Variants in TOLLIP observed in about 807,000 individuals in gnomAD.
The protein encoded by TOLLIP is toll-interacting protein.
TOLLIP carries 16 observed loss-of-function variants against 33.5 expected under a neutral mutation model. That is an observed-to-expected ratio of 0.48 (90% CI 0.32 to 0.72). The LOEUF (loss-of-function observed/expected upper bound fraction) is 0.72, where lower values mean the gene tolerates loss of function less well. Ranked by LOEUF, TOLLIP falls within the 30% of genes least tolerant of loss-of-function variation. The probability of loss-of-function intolerance (pLI) is 0.03; values close to 1 mark genes in which losing one functional copy is unlikely to be tolerated. For missense variants in TOLLIP, 325 were observed against 396.6 expected (o/e 0.82, Z 1.53); for synonymous variants, 176 against 163.7 (o/e 1.07, Z -0.57).
At position 1,295,616 on chromosome 11, in the gene TOLLIP, G is replaced by C. The variant is rs753965639; in HGVS notation, c.183+29C>G. 9.3e-6 allele frequency: 14 copies of C among 1,509,982 alleles called. No homozygotes were observed. In the Admixed American group the frequency reaches 1.4e-4, roughly 15 times the overall value. 93.5% of individuals were successfully genotyped at this position (1,509,982 alleles called of 1,614,324 possible). A position where few individuals can be genotyped will look rare whatever the true frequency, so the allele number is the denominator to read the frequency against. ...ACCCCCACCGAGCGCACCAGCCCCA[G>C]GCAGGCAGGAGGGTGCCCCAAGGCC... On this transcript the variant is annotated intron_variant, in intron 2 of 5. Coordinates refer to ENST00000317204, the MANE Select transcript of TOLLIP (RefSeq NM_019009.4).
intron 5 of TOLLIP, among the ~76,000 whole-genome samples, 162 bp downstream of exon 5, chr11:1,285,840 C>A (rs1411216461): frequency 1.3e-5 from 2 of 152,120 alleles, no homozygotes; most frequent in African/African-American, 4.8e-5. Flanking sequence ...GCCTTGGCTT[C>A]CTGGCCTGAA....
chr11:1,286,060 C>T lies in TOLLIP; in HGVS notation c.552G>A (p.Gln184=). The T allele has an allele frequency of 1.2e-6, 2 of 1,600,344 alleles. No homozygotes were observed. The highest frequency in any genetic ancestry group is 2.3e-5 in the East Asian group (1 of 44,398). Residue 184 remains glutamine, a synonymous_variant, in exon 5 of 6, where the codon CAG becomes CAA. Coordinates refer to ENST00000317204, the MANE Select transcript of TOLLIP (RefSeq NM_019009.4). ...ACACTGTTGGCATCAGGACCACGGGCTGGGGTGGCATCACCATGGCAGCTG... is the reference window on the plus strand; with the variant it reads ...ACACTGTTGGCATCAGGACCACGGGTTGGGGTGGCATCACCATGGCAGCTG... ...LLPAAMVMPP[Q]PVVLMPTVYQ... is the part of the protein sequence containing the mutation.
intron 1 of TOLLIP, among the ~76,000 whole-genome samples, chr11:1,308,530 G>A (rs2133938522): frequency 6.6e-6 from 1 of 152,308 alleles, no homozygotes; most frequent in South Asian, 2.1e-4. Context: ...CCCTAACAGT[G>A]AGCCAGGAGG....
At chr11:1,296,013 G>C (rs546987860) in intron 1 of TOLLIP, among the ~76,000 whole-genome samples, 1 of 152,316 alleles carries the variant, frequency 6.6e-6, no homozygotes, top group East Asian at 1.9e-4. Context: ...CCCTCACTCA[G>C]GAGATCCCCA....
chr11:1,295,779 G>C lies in TOLLIP; in HGVS notation c.49C>G (p.Leu17Val), dbSNP rs775795961. 4 of 1,579,862 alleles carry C rather than the reference G, an allele frequency of 2.5e-6. No individual in the cohort carries two copies. The African/African-American group carries it at 5.4e-5, about 21-fold the overall frequency. Residue 17 changes from leucine to valine, a missense_variant, in exon 2 of 6, where the codon CTC becomes GTC. Transcript: ENST00000317204. ...TQRGPVYIGE[L>V]PQDFLRITPT... The stretch of plus-strand genomic sequence containing the variant: ...GTGATGCGGAGGAAGTCCTGCGGGA[G>C]CTCACCGATGTACACCTGCGGGGCC...
intron 1 of TOLLIP, among the ~76,000 whole-genome samples, chr11:1,307,658 C>T (rs1864454428): frequency 1.3e-5 from 2 of 152,220 alleles, no homozygotes; most frequent in Admixed American, 1.3e-4. Flanking sequence ...TGCTGGTTCC[C>T]TTGTTGCTCT....
In TOLLIP at chr11:1,287,801, G is replaced by C. The variant is rs183721096; in HGVS notation, c.519+823C>G. Among the ~76,000 whole-genome samples the C allele has an allele frequency of 2.4e-3, 26 of 10,804 alleles. 4 individuals are homozygous for C. Among genetic ancestry groups the C allele is most frequent in the African/African-American group, 9.5e-3 (18 of 1,888 alleles). 7.1% of individuals were successfully genotyped at this position (10,804 alleles called of 152,430 possible). A position where few individuals can be genotyped will look rare whatever the true frequency, so the allele number is the denominator to read the frequency against. On this transcript the variant is annotated intron_variant, in intron 4 of 5. Coordinates refer to ENST00000317204, the MANE Select transcript of TOLLIP (RefSeq NM_019009.4). ...TCCCCGCCGCACCCTCCCTGCCGCAGCCTCCCCGCCGCAGCCTCCCCGCCG... is the reference window on the plus strand; with the variant it reads ...TCCCCGCCGCACCCTCCCTGCCGCACCCTCCCCGCCGCAGCCTCCCCGCCG...
intron 2 of TOLLIP, 185 bp downstream of exon 2, chr11:1,295,460 A>C: frequency 3.3e-4 from 209 of 624,714 alleles, no homozygotes; most frequent in Middle Eastern, 5.6e-4. Flanking sequence ...GTTTGGTAGA[A>C]CCCGGGGTCA....
chr11:1,302,092 C>T (rs1157040140), intron 1 of TOLLIP, among the ~76,000 whole-genome samples: 1 of 152,260 alleles, frequency 6.6e-6, no homozygotes, highest in Non-Finnish European at 1.5e-5. Context: ...GGGGCCTGCT[C>T]CAGGCCACTG....
At chr11:1,295,903 ATCAAG>A (rs1366283137) in intron 1 of TOLLIP, 109 bp from the exon 2 acceptor site, 1 of 1,370,024 alleles carries the variant, frequency 7.3e-7, no homozygotes, top group Non-Finnish European at 9.8e-7. Flanking sequence ...CCATGTCCTT[ATCAAG>A]TCCTGGACTG....
chr11:1,286,224 A>G (rs1590211967), intron 4 of TOLLIP, 132 bp from the exon 5 acceptor site: 2 of 665,566 alleles, frequency 3.0e-6, no homozygotes, highest in East Asian at 5.7e-5. Context: ...GCCCAGAATC[A>G]CCCTCGCTAC....
rs1011045810 is a variant in TOLLIP, at chr11:1,290,662, G to A, written c.184-253C>T. Among the ~76,000 whole-genome samples, 2 of 152,222 alleles carry A rather than the reference G, an allele frequency of 1.3e-5. No homozygotes were observed. Among genetic ancestry groups the A allele is most frequent in the East Asian group, 1.9e-4 (1 of 5,188 alleles). On this transcript the variant is annotated intron_variant, in intron 2 of 5. Transcript: ENST00000317204. This position sits in a 1 kb window ranked among gnomAD's most constrained non-coding sequence, Gnocchi z 4.9. ...GTCCTTGACAGCAGAAACCTACGACGCTCACAGACACAGCTGAGGCCGCCA... is the reference window on the plus strand; with the variant it reads ...GTCCTTGACAGCAGAAACCTACGACACTCACAGACACAGCTGAGGCCGCCA...
At position 1,309,600 on chromosome 11, in the gene TOLLIP, A is replaced by T; in HGVS notation, c.-102T>A. 2.1e-6 allele frequency: 1 copy of T among 477,506 alleles called. No individual in the cohort carries two copies. Among genetic ancestry groups the T allele is most frequent in the Non-Finnish European group, 3.2e-6 (1 of 310,378 alleles). The allele number at this position is 477,506 out of a possible 1,614,324, so 29.6% of individuals were successfully genotyped here. A position where few individuals can be genotyped will look rare whatever the true frequency, so the allele number is the denominator to read the frequency against. ...TGCGACGGAGACAGTTGTCACCTCGAGGCCGCCGCCGCCACAGTCAGCTGA... is the reference window on the plus strand; with the variant it reads ...TGCGACGGAGACAGTTGTCACCTCGTGGCCGCCGCCGCCACAGTCAGCTGA... On this transcript the variant is annotated 5_prime_UTR_variant, in exon 1 of 6. Transcript: ENST00000317204.
In TOLLIP at chr11:1,288,780, C is replaced by T. The variant is rs531827605; in HGVS notation, c.367-4G>A. The stretch of plus-strand genomic sequence containing the variant: ...GGTCGTCCATGGAGAAGGCTCTCTG[C>T]GGGAGACAAGAGGGAGAGGCCCCAG... On this transcript the variant is annotated splice_region_variant and splice_polypyrimidine_tract_variant and intron_variant, in intron 3 of 5. Transcript: ENST00000317204. 5.7e-5 allele frequency: 91 copies of T among 1,610,448 alleles called. No homozygotes were observed. Among genetic ancestry groups the T allele is most frequent in the Non-Finnish European group, 7.1e-5 (84 of 1,178,592 alleles).
chr11:1,285,864 G>C (rs902668940), intron 5 of TOLLIP, 138 bp downstream of exon 5: 1 of 539,582 alleles, frequency 1.9e-6, no homozygotes, highest in Non-Finnish European at 3.3e-6. Flanking sequence ...ATCTGTGTGC[G>C]GTCAGCACGT....
intron 5 of TOLLIP, chr11:1,283,572 C>T (rs1244977278): frequency 8.8e-6 from 4 of 455,960 alleles, no homozygotes; most frequent in African/African-American, 2.0e-5. Context: ...CTATGAAGTG[C>T]GGGGCTGTTC....
At chr11:1,301,063 C>G (rs1228437449) in intron 1 of TOLLIP, among the ~76,000 whole-genome samples, 1 of 152,264 alleles carries the variant, frequency 6.6e-6, no homozygotes, top group Non-Finnish European at 1.5e-5. Context: ...CAATTAAAAA[C>G]TAAAATGCTT....
rs994825101 is a variant in TOLLIP, at chr11:1,306,820, G to C, written c.33+2646C>G. On this transcript the variant is annotated intron_variant, in intron 1 of 5. Coordinates refer to ENST00000317204, the MANE Select transcript of TOLLIP (RefSeq NM_019009.4). ...CCAGCTCCTGCCTCCCTCCATCCTC[G>C]GCCCCTGGGGCTCCCTCCTCTCCAC... Among the ~76,000 whole-genome samples the C allele has an allele frequency of 3.3e-5, 5 of 151,774 alleles. No homozygotes were observed. In the South Asian group the frequency reaches 1.0e-3, roughly 32 times the overall value.
Position 1,303,908 on chromosome 11 carries a change from C to T in TOLLIP, c.33+5558G>A, listed in dbSNP as rs1322664594. On this transcript the variant is annotated intron_variant, in intron 1 of 5. Coordinates refer to ENST00000317204, the MANE Select transcript of TOLLIP (RefSeq NM_019009.4). This position sits in a 1 kb window ranked among gnomAD's most constrained non-coding sequence, Gnocchi z 4.2. ...AAAATTAGCTGGGCGTGGTGGTGGA[C>T]GCCTGTAATCCCAGCTACTCGGGAG... 6.6e-6 allele frequency among the ~76,000 whole-genome samples: 1 copy of T among 151,952 alleles called. No homozygotes were observed. The highest frequency in any genetic ancestry group is 2.4e-5 in the African/African-American group (1 of 41,348).
Sources: gnomAD v4.1 joint callset for allele counts (sites outside exome capture counted in the v4.1 genomes callset) on GRCh38, gnomAD v4.1.1 for gene constraint, Gnocchi (gnomAD v3.1) non-coding constraint, MANE v1.5 for transcripts, NCBI Gene and HGNC (gene_info 2026-07-23, HGNC 2026-07-21) for gene names.